The following ECPAS variants were observed in gnomAD, a reference collection of about 807,000 sequenced individuals.
The protein encoded by ECPAS is Ecm29 proteasome adaptor and scaffold.
A neutral mutation model predicts 255.1 loss-of-function variants in ECPAS; 70 were observed. That is an observed-to-expected ratio of 0.27 (90% CI 0.23 to 0.33). The LOEUF is 0.33. Among genes scored for constraint, ECPAS ranks in the 10% least tolerant of loss-of-function variants. ECPAS has a pLI of 1.00. For synonymous variants in ECPAS, 784 were observed against 775.0 expected (o/e 1.01, Z -0.19); for missense variants, 1,817 against 2,206.4 (o/e 0.82, Z 3.54).
intron 6 of ECPAS, among the ~76,000 whole-genome samples, chr9:111,437,326 CA>C (rs761124560): frequency 2.6e-5 from 4 of 152,122 alleles, no homozygotes; most frequent in Admixed American, 2.0e-4. Flanking sequence ...AACTTGGTTA[CA>C]AATGAACTAC....
chr9:111,455,471 G>A (rs749852887), intron 2 of ECPAS, among the ~76,000 whole-genome samples: 108 of 152,266 alleles, frequency 7.1e-4, no homozygotes, highest in African/African-American at 1.1e-3. Context: ...GCAATAAAGC[G>A]AGACTCTGTC....
intron 4 of ECPAS, 68 bp downstream of exon 4, chr9:111,444,310 T>C: frequency 4.9e-6 from 5 of 1,021,048 alleles, no homozygotes; most frequent in Admixed American, 4.3e-5. Context: ...AATATGTTGA[T>C]GACATCTAAT....
At chr9:111,455,106 A>C (rs1043448585) in intron 2 of ECPAS, among the ~76,000 whole-genome samples, 1 of 152,174 alleles carries the variant, frequency 6.6e-6, no homozygotes, top group Non-Finnish European at 1.5e-5. Flanking sequence ...GCATGCTTAG[A>C]AAAGTCATTT....
intron 2 of ECPAS, among the ~76,000 whole-genome samples, chr9:111,472,068 C>T (rs1488091150): frequency 6.6e-6 from 1 of 151,980 alleles, no homozygotes; most frequent in East Asian, 1.9e-4. Flanking sequence ...TGCCACTGCA[C>T]TCTAGCCTGG....
intron 20 of ECPAS, among the ~76,000 whole-genome samples, chr9:111,412,632 A>T (rs765044121): frequency 1.3e-5 from 2 of 152,212 alleles, no homozygotes; most frequent in Non-Finnish European, 2.9e-5. Flanking sequence ...AACCATACAA[A>T]AACAGGAGGC....
At chr9:111,421,062 G>A (rs1370508764) in intron 15 of ECPAS, among the ~76,000 whole-genome samples, 1 of 152,108 alleles carries the variant, frequency 6.6e-6, no homozygotes, top group Non-Finnish European at 1.5e-5. Flanking sequence ...CTGTTCTAAT[G>A]AGCTTCCAAA....
intron 2 of ECPAS, among the ~76,000 whole-genome samples, chr9:111,457,662 G>A (rs898148694): frequency 1.3e-5 from 2 of 152,136 alleles, no homozygotes; most frequent in African/African-American, 4.8e-5. Context: ...CGTGACAATG[G>A]TAGGAAAAGG....
At chr9:111,444,884 T>C (rs1406240691) in intron 3 of ECPAS, among the ~76,000 whole-genome samples, 1 of 152,074 alleles carries the variant, frequency 6.6e-6, no homozygotes, top group Non-Finnish European at 1.5e-5. Context: ...CTAATTTTTG[T>C]ATTTTTTCAC....
chr9:111,433,244 T>G lies in ECPAS; in HGVS notation c.837A>C (p.Lys279Asn). 4 of 1,613,920 alleles carry G rather than the reference T, an allele frequency of 2.5e-6. No individual in the cohort carries two copies. Among genetic ancestry groups the G allele is most frequent in the Non-Finnish European group, 3.4e-6 (4 of 1,179,774 alleles). ...SVATAADLELKSKQSLIDWNN... is the reference protein window; with the variant it reads ...SVATAADLELNSKQSLIDWNN... Reference sequence around the variant, plus strand: ...AGGGAAGTAGTTACCTCTGTTTGCTTTTCAATTCCAGGTCTGCTGCCGTTG... The same window carrying G: ...AGGGAAGTAGTTACCTCTGTTTGCTGTTCAATTCCAGGTCTGCTGCCGTTG... The change falls in exon 8 of 50, where the codon AAA becomes AAC. Residue 279 changes from lysine to asparagine, a missense_variant. Lys to Asn is a moderately conservative substitution (Grantham distance 94). Coordinates refer to ENST00000684092, the MANE Select transcript of ECPAS (RefSeq NM_001364929.1).
chr9:111,402,377 T>C (rs2098177528), intron 24 of ECPAS, among the ~76,000 whole-genome samples: 1 of 152,162 alleles, frequency 6.6e-6, no homozygotes. Flanking sequence ...AAGAAAAGAA[T>C]TCTAGCATGC....
At chr9:111,453,070 C>T (rs1049260216) in intron 2 of ECPAS, among the ~76,000 whole-genome samples, 10 of 152,052 alleles carry the variant, frequency 6.6e-5, no homozygotes, top group African/African-American at 2.4e-4. Flanking sequence ...ACAGAGACAC[C>T]CCCATCTCTA....
Position 111,481,871 on chromosome 9 carries a change from C to A in ECPAS, c.-83+2245G>T, listed in dbSNP as rs2098305923. Among the ~76,000 whole-genome samples the A allele has an allele frequency of 2.0e-5, 3 of 152,328 alleles. No individual in the cohort carries two copies. In the South Asian group the frequency reaches 6.2e-4, roughly 32 times the overall value. The stretch of plus-strand genomic sequence containing the variant: ...GTCACAAATTCTGTATGATTCCATT[C>A]ACACGAGGTAGGAAGAATACTCAAA... On this transcript the variant is annotated intron_variant, in intron 1 of 49. Transcript: ENST00000684092.
At position 111,484,279 on chromosome 9, in the gene ECPAS, T is replaced by A; in HGVS notation, c.-246A>T. On this transcript the variant is annotated 5_prime_UTR_variant, in exon 1 of 50. Transcript: ENST00000684092. The stretch of plus-strand genomic sequence containing the variant: ...GGGCTGCCCTAGCGGCCGGGGGAAA[T>A]CCTCGAGGCGGGGCCGGAGCGCCCT... 6.5e-7 allele frequency: 1 copy of A among 1,528,034 alleles called. No homozygotes were observed. Among genetic ancestry groups the A allele is most frequent in the African/African-American group, 1.4e-5 (1 of 71,326 alleles). 94.7% of individuals were successfully genotyped at this position (1,528,034 alleles called of 1,614,324 possible).
chr9:111,406,675 G>A lies in ECPAS; in HGVS notation c.2652+1896C>T, dbSNP rs1044624512. Among the ~76,000 whole-genome samples, 4 of 149,378 alleles carry A rather than the reference G, an allele frequency of 2.7e-5. No homozygotes were observed. In the East Asian group the frequency reaches 6.1e-4, roughly 23 times the overall value. ...TCCTAGCATTTTGGGAGATCCAGGT[G>A]GGAGGATCACTTGAGCCCAGGAGTT... On this transcript the variant is annotated intron_variant, in intron 24 of 49. Transcript: ENST00000684092.
At chr9:111,398,634 T>C (rs1219377469) in intron 24 of ECPAS, among the ~76,000 whole-genome samples, 1 of 151,926 alleles carries the variant, frequency 6.6e-6, no homozygotes, top group African/African-American at 2.4e-5. Flanking sequence ...TACAAAAAAA[T>C]AGTTAGAAAG....
At chr9:111,419,777 T>C (rs1240080459) in intron 16 of ECPAS, among the ~76,000 whole-genome samples, 1 of 150,046 alleles carries the variant, frequency 6.7e-6, no homozygotes, top group African/African-American at 2.4e-5. Flanking sequence ...CTATATATCA[T>C]ATATTACACA....
chr9:111,440,601 C>T, intron 5 of ECPAS, 80 bp from the exon 6 acceptor site: 1 of 1,149,948 alleles, frequency 8.7e-7, no homozygotes, highest in South Asian at 1.7e-5. Flanking sequence ...AAACAAAAAT[C>T]ACGTAACAAA....
intron 2 of ECPAS, among the ~76,000 whole-genome samples, chr9:111,469,552 T>C (rs1042315330): frequency 5.9e-5 from 9 of 151,708 alleles, no homozygotes; most frequent in African/African-American, 2.2e-4. Flanking sequence ...GGCTCACGCC[T>C]GTAATCCCAG....
intron 1 of ECPAS, among the ~76,000 whole-genome samples, chr9:111,476,136 A>C (rs1240100121): frequency 6.6e-6 from 1 of 152,226 alleles, no homozygotes; most frequent in Non-Finnish European, 1.5e-5. Flanking sequence ...TGAATAGTGC[A>C]TCCTTCAAGA....
Sources: gnomAD v4.1 joint callset for allele counts (sites outside exome capture counted in the v4.1 genomes callset) on GRCh38, gnomAD v4.1.1 for gene constraint, MANE v1.5 for transcripts, NCBI Gene and HGNC (gene_info 2026-07-23, HGNC 2026-07-21) for gene names.